WDR17: variants seen among roughly 807,000 people sequenced by gnomAD.
WDR17 encodes WD repeat-containing protein 17.
A neutral mutation model predicts 161.7 loss-of-function variants in WDR17; 143 were observed. That is an observed-to-expected ratio of 0.88 (90% CI 0.77 to 1.02). The LOEUF is 1.02. Among genes scored for constraint, WDR17 ranks in the 50% least tolerant of loss-of-function variants. The pLI, the probability that WDR17 is intolerant of heterozygous loss-of-function variation, is 0.00. For missense variants in WDR17, 1,469 were observed against 1,520.9 expected (o/e 0.97, Z 0.57); for synonymous variants, 517 against 515.6 (o/e 1.00, Z -0.04).
At chr4:176,084,341 A>G (rs1280699617) in intron 1 of WDR17, among the ~76,000 whole-genome samples, 1 of 152,104 alleles carries the variant, frequency 6.6e-6, no homozygotes, top group Non-Finnish European at 1.5e-5. Flanking sequence ...GGCAGCAAGG[A>G]GCTGGGGGTG....
At chr4:176,165,264 G>C (rs1332434216) in intron 22 of WDR17, among the ~76,000 whole-genome samples, 1 of 152,092 alleles carries the variant, frequency 6.6e-6, no homozygotes, top group Admixed American at 6.6e-5. Context: ...ATCTACTTGG[G>C]AGTCTGAGGC....
At chr4:176,134,327 C>T (rs974217911) in intron 7 of WDR17, among the ~76,000 whole-genome samples, 2 of 151,664 alleles carry the variant, frequency 1.3e-5, no homozygotes, top group African/African-American at 2.4e-5. Context: ...GTTTCGTTTG[C>T]TTAAAGTAGA....
chr4:176,135,125 CT>C lies in WDR17; in HGVS notation c.1119del (p.Phe373LeufsTer13), dbSNP rs1744193621. 1.2e-6 allele frequency: 2 copies of C among 1,611,814 alleles called. No individual in the cohort carries two copies. ...LRDLGHVETI[F>X]DCKFKPDDPN... ...ATTCCTAGGGACATGTGGAAACTATCTTTGACTGCAAATTCAAACCTGACGA... is the reference window on the plus strand; with the variant it reads ...ATTCCTAGGGACATGTGGAAACTATCTTGACTGCAAATTCAAACCTGACGA... On this transcript the variant is annotated frameshift_variant, in exon 8 of 29. Coordinates refer to ENST00000508596, the MANE Select transcript of WDR17 (RefSeq NM_181265.4). LOFTEE classifies it high-confidence loss of function.
chr4:176,168,866 A>G, intron 23 of WDR17, 83 bp downstream of exon 23: 1 of 1,471,052 alleles, frequency 6.8e-7, no homozygotes, highest in Non-Finnish European at 9.1e-7. Context: ...ATAGAGATGC[A>G]TGCAGAGAAA....
chr4:176,066,808 A>G (rs1427700137), intron 1 of WDR17, among the ~76,000 whole-genome samples: 1 of 152,104 alleles, frequency 6.6e-6, no homozygotes, highest in East Asian at 1.9e-4. Context: ...GAGAGATACT[A>G]CATTTCTGAA....
chr4:176,137,518 A>T lies in WDR17; in HGVS notation c.1268-2A>T, dbSNP rs1363107750. The T allele has an allele frequency of 1.0e-5, 16 of 1,601,744 alleles. No individual in the cohort carries two copies. The highest frequency in any genetic ancestry group is 1.4e-5 in the Non-Finnish European group (16 of 1,172,020). The stretch of plus-strand genomic sequence containing the variant: ...ATAATGTCTAACAAATTGTTTCCTA[A>T]GGTGGTTTAAATTGTATTGCTGGGG... On this transcript the variant is annotated splice_acceptor_variant, in intron 8 of 28. Transcript: ENST00000508596. LOFTEE classifies it high-confidence loss of function.
chr4:176,074,298 T>C (rs1228880499), intron 1 of WDR17, among the ~76,000 whole-genome samples: 10 of 152,182 alleles, frequency 6.6e-5, no homozygotes, highest in Non-Finnish European at 1.3e-4. Flanking sequence ...ATGTGAGCTC[T>C]GTCACCAGAA....
chr4:176,163,895 G>A lies in WDR17; in HGVS notation c.2990+602G>A, dbSNP rs114755735. ...GCTCTATTAGGAAATATGGGATTCC[G>A]TCATTCCTTAGATGTTTATTGAATA... On this transcript the variant is annotated intron_variant, in intron 22 of 28. Coordinates refer to ENST00000508596, the MANE Select transcript of WDR17 (RefSeq NM_181265.4). Among the ~76,000 whole-genome samples the A allele has an allele frequency of 8.5e-3, 1,300 of 152,242 alleles. 10 individuals are homozygous for A. The highest frequency in any genetic ancestry group is 0.031 in the Middle Eastern group (9 of 294).
chr4:176,117,672 A>G (rs1266254199), intron 3 of WDR17, among the ~76,000 whole-genome samples: 1 of 152,078 alleles, frequency 6.6e-6, no homozygotes, highest in Admixed American at 6.5e-5. Context: ...ACAACTAAAT[A>G]ATACTTTCTA....
At chr4:176,105,072 G>A (rs1451617284) in intron 1 of WDR17, among the ~76,000 whole-genome samples, 3 of 151,794 alleles carry the variant, frequency 2.0e-5, no homozygotes, top group Non-Finnish European at 4.4e-5. Flanking sequence ...CAAAAAGAAA[G>A]CAGGCATGCC....
intron 8 of WDR17, among the ~76,000 whole-genome samples, chr4:176,135,695 G>T (rs147741914): frequency 6.6e-6 from 1 of 151,644 alleles, no homozygotes; most frequent in East Asian, 1.9e-4. Flanking sequence ...CACCTTTGAA[G>T]TATTGAAGAA....
intron 7 of WDR17, among the ~76,000 whole-genome samples, chr4:176,134,020 G>A (rs1433004617): frequency 6.6e-6 from 1 of 151,700 alleles, no homozygotes; most frequent in African/African-American, 2.4e-5. Flanking sequence ...GTAAGTCCCT[G>A]CCTGGATTAT....
At chr4:176,152,061 A>C (rs1405506654) in intron 17 of WDR17, 94 bp downstream of exon 17, 1 of 1,314,374 alleles carries the variant, frequency 7.6e-7, no homozygotes, top group Non-Finnish European at 1.0e-6. Flanking sequence ...TAAAAAGCTC[A>C]GCACTTTGGA....
chr4:176,123,571 A>G (rs1741942212), intron 4 of WDR17, among the ~76,000 whole-genome samples: 1 of 152,190 alleles, frequency 6.6e-6, no homozygotes, highest in Non-Finnish European at 1.5e-5. Flanking sequence ...AACTCAGGGA[A>G]ACACTTTCTT....
Position 176,128,780 on chromosome 4 carries a change from C to G in WDR17, c.833C>G (p.Thr278Arg). Residue 278 changes from threonine to arginine, a missense_variant, in exon 6 of 29, where the codon ACA becomes AGA. Coordinates refer to ENST00000508596, the MANE Select transcript of WDR17 (RefSeq NM_181265.4). ...TTACGCATTTGGAATGTTTCAAGAA[C>G]AACACCTATTGATAATCTTAAATTA... ...GVLRIWNVSR[T>R]TPIDNLKLKK... 2.5e-6 allele frequency: 4 copies of G among 1,605,122 alleles called. No homozygotes were observed. The highest frequency in any genetic ancestry group is 3.4e-6 in the Non-Finnish European group (4 of 1,176,708).
intron 1 of WDR17, among the ~76,000 whole-genome samples, chr4:176,090,231 T>G (rs1735938115): frequency 6.6e-6 from 1 of 151,206 alleles, no homozygotes; most frequent in Non-Finnish European, 1.5e-5. Flanking sequence ...CTTGCTCTAT[T>G]AGTTCCTACT....
At chr4:176,177,961 G>C (rs1290172977) in intron 28 of WDR17, among the ~76,000 whole-genome samples, 2 of 107,276 alleles carry the variant, frequency 1.9e-5, no homozygotes, top group African/African-American at 7.5e-5. Context: ...CTCCAGCCTG[G>C]GCAACAAGAG....
chr4:176,160,267 T>C, intron 19 of WDR17, 141 bp downstream of exon 19: 1 of 869,664 alleles, frequency 1.1e-6, no homozygotes, highest in East Asian at 2.7e-5. Flanking sequence ...TGGCCTTCTT[T>C]CTCAACATTT....
intron 1 of WDR17, among the ~76,000 whole-genome samples, chr4:176,088,189 A>G (rs1294352606): frequency 6.6e-6 from 1 of 152,096 alleles, no homozygotes. Flanking sequence ...TGGTAAAAAT[A>G]CTTCCTTTTT....
Sources: allele counts gnomAD v4.1 joint callset (sites outside exome capture counted in the v4.1 genomes callset), GRCh38; gene constraint gnomAD v4.1.1; transcripts MANE v1.5; gene names NCBI Gene and HGNC (gene_info 2026-07-23, HGNC 2026-07-21).